The following GANC variants were observed in gnomAD, a reference collection of about 807,000 sequenced individuals.
GANC encodes neutral alpha-glucosidase C.
In GANC, 117 loss-of-function variants were observed where a neutral mutation model predicts 124.2. The ratio of observed to expected loss-of-function variants is 0.94; its 90% CI spans 0.81 to 1.10. The LOEUF (loss-of-function observed/expected upper bound fraction) is 1.10, where lower values mean the gene tolerates loss of function less well. Ranked by LOEUF, GANC falls within the 50% of genes least tolerant of loss-of-function variation. The pLI is 0.00. For missense variants in GANC, 1,140 were observed against 1,095.0 expected (o/e 1.04, Z -0.58); for synonymous variants, 377 against 376.8 (o/e 1.00, Z -0.01).
intron 6 of GANC, among the ~76,000 whole-genome samples, chr15:42,299,000 G>T (rs550161492): frequency 6.6e-6 from 1 of 152,070 alleles, no homozygotes; most frequent in Non-Finnish European, 1.5e-5. Context: ...AAATCATGTC[G>T]TCTACAAACA....
At chr15:42,327,662 A>T (rs112616633) in intron 13 of GANC, among the ~76,000 whole-genome samples, 1 of 152,188 alleles carries the variant, frequency 6.6e-6, no homozygotes, top group East Asian at 1.9e-4. Flanking sequence ...GACCTCTATT[A>T]TAATAGACTC....
At chr15:42,351,645 A>G (rs2052439194) in intron 23 of GANC, among the ~76,000 whole-genome samples, 1 of 152,166 alleles carries the variant, frequency 6.6e-6, no homozygotes, top group African/African-American at 2.4e-5. Flanking sequence ...TTTTCTAAGG[A>G]AACTTATTTG....
At chr15:42,283,617 T>C (rs1048500960) in intron 3 of GANC, 1 of 701,458 alleles carries the variant, frequency 1.4e-6, no homozygotes. Context: ...GCAGCCTGTT[T>C]GCAAGGTTTC....
At chr15:42,345,896 G>T in intron 20 of GANC, 64 bp downstream of exon 20, 2 of 1,119,010 alleles carry the variant, frequency 1.8e-6, no homozygotes, top group African/African-American at 1.6e-5. Context: ...GGGCTGCCAT[G>T]ACAAAATACC....
chr15:42,333,038 A>ATATATT lies in GANC; in HGVS notation c.1741+2367_1741+2368insATATTT, dbSNP rs760603238. Among the ~76,000 whole-genome samples, 477 of 146,904 alleles carry ATATATT rather than the reference A, an allele frequency of 3.2e-3. 4 individuals carry two copies. The highest frequency in any genetic ancestry group is 7.0e-3 in the Middle Eastern group (2 of 284). The stretch of plus-strand genomic sequence containing the variant: ...TGTCTCAAAAAATATATATATATAT[A>ATATATT]TTTTTTTTGGTCACGAGCAGTGGCT... On this transcript the variant is annotated intron_variant, in intron 15 of 23. Transcript: ENST00000318010.
chr15:42,316,921 C>T (rs186167522), intron 10 of GANC, among the ~76,000 whole-genome samples: 115 of 152,240 alleles, frequency 7.6e-4, no homozygotes, highest in Admixed American at 1.6e-3. Context: ...ACCCTATACC[C>T]GCTGGTTATT....
rs748127499 is a variant in GANC, at chr15:42,273,423, G to A, written c.-1059G>A. ...TCTTCACAGCCGTGGAGTGCCTACC[G>A]AAAGCATTTCACCCTCTTCCGGTTC... On this transcript the variant is annotated 5_prime_UTR_variant, in exon 1 of 24. Coordinates refer to ENST00000318010, the MANE Select transcript of GANC (RefSeq NM_198141.3). 2.5e-6 allele frequency: 4 copies of A among 1,613,038 alleles called. No homozygotes were observed. Among genetic ancestry groups the A allele is most frequent in the African/African-American group, 2.7e-5 (2 of 74,920 alleles).
chr15:42,310,180 A>G, intron 8 of GANC, 103 bp from the exon 9 acceptor site: 6 of 841,592 alleles, frequency 7.1e-6, no homozygotes, highest in Non-Finnish European at 8.6e-6. Flanking sequence ...GCCTCCAAAG[A>G]TGCGTGGGAC....
intron 22 of GANC, among the ~76,000 whole-genome samples, chr15:42,350,326 A>AGCGAGTCGTCTTTTATTAT (rs1566963145): frequency 3.3e-5 from 5 of 151,898 alleles, no homozygotes; most frequent in African/African-American, 9.7e-5. Flanking sequence ...CACTCCGCCC[A>AGCGAGTCGTCTTTTATTAT]TCTCCCCGAC....
In GANC at chr15:42,294,574, CAA is replaced by C. The variant is rs34588821; in HGVS notation, c.512+1675_512+1676del. On this transcript the variant is annotated intron_variant, in intron 5 of 23. Transcript: ENST00000318010. ...TGGGCAGCAGAGCAAGACTCTGTCTCAAAAAAAAAAAAAAAAAAAGTAATGTG... is the reference window on the plus strand; with the variant it reads ...TGGGCAGCAGAGCAAGACTCTGTCTCAAAAAAAAAAAAAAAAAGTAATGTG... Among the ~76,000 whole-genome samples the C allele has an allele frequency of 5.8e-3, 693 of 119,278 alleles. 4 individuals carry two copies. Among genetic ancestry groups the C allele is most frequent in the Middle Eastern group, 0.038 (9 of 234 alleles). The allele number at this position is 119,278 out of a possible 152,430, so 78.3% of individuals were successfully genotyped here.
intron 5 of GANC, among the ~76,000 whole-genome samples, chr15:42,295,886 A>C (rs1200078623): frequency 1.3e-5 from 2 of 152,180 alleles, no homozygotes; most frequent in African/African-American, 2.4e-5. Context: ...TCATGGCTAT[A>C]ATACTAGCAC....
chr15:42,277,953 C>G, intron 2 of GANC: 1 of 175,428 alleles, frequency 5.7e-6, no homozygotes, highest in Non-Finnish European at 1.2e-5. Flanking sequence ...TTTACGTGAT[C>G]TTGAAACTGA....
Position 42,321,936 on chromosome 15 carries a change from G to A in GANC, c.1209G>A (p.Glu403=). The change falls in exon 11 of 24, where the codon GAG becomes GAA. Residue 403 remains glutamate (E), a synonymous_variant. Transcript: ENST00000318010. ...TGTGGCTGGACATAGAGCACACTGAGGGCAAGAGGTACTTCACCTGGGACA... is the reference window on the plus strand; with the variant it reads ...TGTGGCTGGACATAGAGCACACTGAAGGCAAGAGGTACTTCACCTGGGACA... The part of the protein sequence containing the change: ...DAMWLDIEHT[E]GKRYFTWDKN... The A allele has an allele frequency of 5.0e-6, 8 of 1,614,142 alleles. No homozygotes were observed. The highest frequency in any genetic ancestry group is 6.8e-6 in the Non-Finnish European group (8 of 1,180,030).
chr15:42,353,223 C>G lies in GANC; in HGVS notation c.*1084C>G. The stretch of plus-strand genomic sequence containing the variant: ...GCCACAGCATCTGTTTTAGCAGCCT[C>G]GACTCCTCAGCACTCCTCAGCACAC... On this transcript the variant is annotated 3_prime_UTR_variant, in exon 24 of 24. Coordinates refer to ENST00000318010, the MANE Select transcript of GANC (RefSeq NM_198141.3). 6.1e-6 allele frequency: 6 copies of G among 985,954 alleles called. No homozygotes were observed. In the South Asian group the frequency reaches 2.8e-4, roughly 46 times the overall value. The allele number at this position is 985,954 out of a possible 1,614,324, so 61.1% of individuals were successfully genotyped here.
chr15:42,326,226 G>C (rs1213600844), intron 11 of GANC, 72 bp from the exon 12 acceptor site: 1 of 1,092,276 alleles, frequency 9.2e-7, no homozygotes, highest in East Asian at 2.4e-5. Flanking sequence ...CCCAAACTAT[G>C]GCGAAAACAT....
chr15:42,280,674 T>C (rs1449514598), intron 3 of GANC, among the ~76,000 whole-genome samples: 1 of 152,180 alleles, frequency 6.6e-6, no homozygotes, highest in East Asian at 1.9e-4. Flanking sequence ...TTGTCCATAG[T>C]CAGAGCAAGA....
rs184175328 is a variant in GANC, at chr15:42,332,659, A to T, written c.1741+1987A>T. ...TCAAAATCATTATGTAAATACGTAC[A>T]TATCTCGCTTGAAGTCAAGAGGAAA... On this transcript the variant is annotated intron_variant, in intron 15 of 23. Transcript: ENST00000318010. Among the ~76,000 whole-genome samples the T allele has an allele frequency of 2.1e-3, 325 of 152,288 alleles. 1 individual carries two copies. Among genetic ancestry groups the T allele is most frequent in the African/African-American group, 7.3e-3 (303 of 41,566 alleles).
chr15:42,293,528 C>CTTTTTTTTTTTTTT (rs1566951280), intron 5 of GANC, among the ~76,000 whole-genome samples: 4 of 151,816 alleles, frequency 2.6e-5, no homozygotes, highest in African/African-American at 9.7e-5. Context: ...CAACTCATTT[C>CTTTTTTTTTTTTTT]TGTTTTAAAA....
intron 4 of GANC, among the ~76,000 whole-genome samples, chr15:42,289,490 A>G (rs1048688547): frequency 1.3e-5 from 2 of 152,082 alleles, no homozygotes; most frequent in Non-Finnish European, 2.9e-5. Context: ...TACTACCTCA[A>G]CCCTTCCCGT....
Sources: allele counts gnomAD v4.1 joint callset (sites outside exome capture counted in the v4.1 genomes callset), GRCh38; gene constraint gnomAD v4.1.1; transcripts MANE v1.5; gene names NCBI Gene and HGNC (gene_info 2026-07-23, HGNC 2026-07-21).